The following PARM1 variants were observed in gnomAD, a reference collection of about 807,000 sequenced individuals.
The protein encoded by PARM1 is prostate androgen-regulated mucin-like protein 1.
PARM1 carries 14 observed loss-of-function variants against 24.6 expected under a neutral mutation model. That is an observed-to-expected ratio of 0.57 (90% CI 0.38 to 0.89). The LOEUF is 0.89. PARM1 is among the 40% of genes least tolerant of loss of function. The pLI is 0.00. For missense variants in PARM1, 362 were observed against 380.4 expected, an observed-to-expected ratio of 0.95 and a Z score of 0.40; for synonymous variants, 179 against 156.6, an observed-to-expected ratio of 1.14 and a Z score of -1.07.
chr4:75,022,830 C>T (rs952253995), intron 2 of PARM1, among the ~76,000 whole-genome samples: 5 of 152,276 alleles, frequency 3.3e-5, no homozygotes, highest in Admixed American at 3.3e-4. Flanking sequence ...ACCCTCCCAT[C>T]ATCTTTATCA....
At chr4:75,020,796 A>G (rs1723075903) in intron 2 of PARM1, among the ~76,000 whole-genome samples, 1 of 152,058 alleles carries the variant, frequency 6.6e-6, no homozygotes, top group Non-Finnish European at 1.5e-5. Flanking sequence ...CTTAGACGCT[A>G]CCTGGGACTT....
At chr4:75,023,980 G>T (rs72862204) in intron 2 of PARM1, among the ~76,000 whole-genome samples, 5,536 of 152,200 alleles carry the variant, frequency 0.036, 359 homozygotes, top group African/African-American at 0.13. Context: ...GTATTCAAAA[G>T]CAAGTTCCTG....
chr4:75,038,866 C>A (rs1395778610), intron 3 of PARM1, among the ~76,000 whole-genome samples: 1 of 152,188 alleles, frequency 6.6e-6, no homozygotes, highest in African/African-American at 2.4e-5. Flanking sequence ...TCTGCTAAGA[C>A]CAGTGATGTG....
chr4:74,953,507 C>A (rs1425793245), intron 1 of PARM1, among the ~76,000 whole-genome samples: 1 of 152,198 alleles, frequency 6.6e-6, no homozygotes, highest in African/African-American at 2.4e-5. Flanking sequence ...AGCAATGTGG[C>A]AAGACAGCCT....
At chr4:75,037,688 G>T (rs1723399066) in intron 3 of PARM1, among the ~76,000 whole-genome samples, 1 of 152,168 alleles carries the variant, frequency 6.6e-6, no homozygotes. Flanking sequence ...CAGCAGTGTG[G>T]TGTGGAGGGA....
At chr4:74,934,996 C>CT (rs11392364) in intron 1 of PARM1, among the ~76,000 whole-genome samples, 97,657 of 116,376 alleles carry the variant, frequency 0.84, 40,909 homozygotes, top group East Asian at 0.98. Flanking sequence ...GCTCTTTTTT[C>CT]TTTTTTTTTT....
At chr4:74,950,303 C>T (rs1161243781) in intron 1 of PARM1, among the ~76,000 whole-genome samples, 1 of 152,236 alleles carries the variant, frequency 6.6e-6, no homozygotes, top group African/African-American at 2.4e-5. Context: ...AGCCATGCCT[C>T]CTCTGAAGCT....
intron 1 of PARM1, among the ~76,000 whole-genome samples, chr4:74,972,210 A>T (rs78557116): frequency 1.4e-4 from 22 of 152,168 alleles, no homozygotes; most frequent in Non-Finnish European, 3.2e-4. Flanking sequence ...ACAGGGCCAC[A>T]TGGCTCTGGG....
Position 75,046,295 on chromosome 4 carries a change from G to A in PARM1, c.*48G>A, listed in dbSNP as rs992466043. 6.5e-6 allele frequency: 8 copies of A among 1,222,638 alleles called. No individual in the cohort carries two copies. The highest frequency in any genetic ancestry group is 8.5e-6 in the Non-Finnish European group (7 of 828,302). 75.7% of individuals were successfully genotyped at this position (1,222,638 alleles called of 1,614,324 possible). A position where few individuals can be genotyped will look rare whatever the true frequency, so the allele number is the denominator to read the frequency against. On this transcript the variant is annotated 3_prime_UTR_variant, in exon 4 of 4. Transcript: ENST00000307428. ...AGGATTAACTGTTCTTTATTTATAAGTGCTTATCCAGTAGAATTAATAAGT... is the reference window on the plus strand; with the variant it reads ...AGGATTAACTGTTCTTTATTTATAAATGCTTATCCAGTAGAATTAATAAGT...
At chr4:75,046,065 G>T in intron 3 of PARM1, 98 bp from the exon 4 acceptor site, 2 of 742,594 alleles carry the variant, frequency 2.7e-6, no homozygotes, top group Non-Finnish European at 4.7e-6. Context: ...CCCTCTCCCT[G>T]GCCCCATAAG....
At chr4:74,982,153 A>C (rs1014545082) in intron 1 of PARM1, among the ~76,000 whole-genome samples, 1 of 152,200 alleles carries the variant, frequency 6.6e-6, no homozygotes, top group Admixed American at 6.5e-5. Context: ...CGGGACATAG[A>C]TGGAGCTGGA....
intron 2 of PARM1, among the ~76,000 whole-genome samples, chr4:75,027,600 AC>A (rs1723207596): frequency 6.6e-6 from 1 of 152,116 alleles, no homozygotes; most frequent in Admixed American, 6.5e-5. Flanking sequence ...GTTACCATGT[AC>A]CCTGGGTTAT....
intron 1 of PARM1, among the ~76,000 whole-genome samples, chr4:74,980,519 T>C (rs1722228277): frequency 6.6e-6 from 1 of 152,180 alleles, no homozygotes; most frequent in African/African-American, 2.4e-5. Flanking sequence ...ATCAGTGTCA[T>C]GAAAATGACC....
rs181540447 is a variant in PARM1 at position 74,979,158 on chromosome 4, C to T, written c.44-33267C>T. Reference sequence around the variant, plus strand: ...CGCACACACACACACAAAAAAAAACCTTCGAAAAAATCAATGAATCCAGGA... The same window carrying T: ...CGCACACACACACACAAAAAAAAACTTTCGAAAAAATCAATGAATCCAGGA... On this transcript the variant is annotated intron_variant, in intron 1 of 3. Transcript: ENST00000307428. Among the ~76,000 whole-genome samples, 654 of 151,456 alleles carry T rather than the reference C, an allele frequency of 4.3e-3. 1 individual carries two copies. Among genetic ancestry groups the T allele is most frequent in the Non-Finnish European group, 7.3e-3 (494 of 67,800 alleles).
Position 74,984,013 on chromosome 4 carries a change from A to G in PARM1, c.44-28412A>G, listed in dbSNP as rs372213415. 3.3e-3 allele frequency among the ~76,000 whole-genome samples: 507 copies of G among 152,318 alleles called. 6 individuals carry two copies. Among genetic ancestry groups the G allele is most frequent in the African/African-American group, 0.011 (472 of 41,574 alleles). ...CCCATCTGTAAAAATTGCCTCAGCC[A>G]TCCAAGTAGCTGGAACTACAGGTGT... On this transcript the variant is annotated intron_variant, in intron 1 of 3. Coordinates refer to ENST00000307428, the MANE Select transcript of PARM1 (RefSeq NM_015393.4).
chr4:74,973,088 A>G (rs937226459), intron 1 of PARM1, among the ~76,000 whole-genome samples: 3 of 151,964 alleles, frequency 2.0e-5, no homozygotes, highest in Non-Finnish European at 4.4e-5. Flanking sequence ...ATTTTCTAAA[A>G]CCCCATCACA....
At chr4:74,950,736 C>T (rs556039625) in intron 1 of PARM1, among the ~76,000 whole-genome samples, 20 of 152,046 alleles carry the variant, frequency 1.3e-4, no homozygotes, top group Non-Finnish European at 2.2e-4. Flanking sequence ...ACTATCACAT[C>T]AAGTTTTTTT....
intron 1 of PARM1, among the ~76,000 whole-genome samples, chr4:74,996,753 T>C (rs1429700335): frequency 1.3e-5 from 2 of 152,194 alleles, no homozygotes; most frequent in African/African-American, 4.8e-5. Context: ...ATCAAAATTA[T>C]TACCAGACCC....
intron 3 of PARM1, among the ~76,000 whole-genome samples, chr4:75,045,664 A>G (rs1022619170): frequency 5.3e-5 from 8 of 152,240 alleles, no homozygotes; most frequent in African/African-American, 1.4e-4. Context: ...TACCTGCCCC[A>G]TGGCCTTATT....
Sources: allele counts gnomAD v4.1 joint callset (sites outside exome capture counted in the v4.1 genomes callset), GRCh38; gene constraint gnomAD v4.1.1; transcripts MANE v1.5; gene names NCBI Gene and HGNC (gene_info 2026-07-23, HGNC 2026-07-21).